Variants in SLC25A48 observed in about 807,000 individuals in gnomAD.
SLC25A48 encodes the protein CTC-321K16.1.
In SLC25A48, 29 loss-of-function variants were observed where a neutral mutation model predicts 32.2. The observed-to-expected ratio is 0.90, with a 90% CI of 0.67 to 1.23. SLC25A48 has a LOEUF of 1.23. Ranked by LOEUF, SLC25A48 falls within the 50% of genes most tolerant of loss-of-function variation. The pLI, the probability that SLC25A48 is intolerant of heterozygous loss-of-function variation, is 0.00. For missense variants in SLC25A48, 399 were observed against 422.7 expected (o/e 0.94, Z 0.49); for synonymous variants, 164 against 172.3 (o/e 0.95, Z 0.38).
chr5:135,866,605 C>G (rs1479998322), intron 4 of SLC25A48, among the ~76,000 whole-genome samples: 1 of 152,190 alleles, frequency 6.6e-6, no homozygotes, highest in Non-Finnish European at 1.5e-5. Flanking sequence ...CACCACACCC[C>G]AAAATAAAAC....
chr5:135,812,173 G>T (rs10050995), intron 3 of SLC25A48, among the ~76,000 whole-genome samples: 1 of 151,880 alleles, frequency 6.6e-6, no homozygotes, highest in Non-Finnish European at 1.5e-5. Flanking sequence ...TATTTTTTAA[G>T]CTTCTATGGG....
intron 3 of SLC25A48, among the ~76,000 whole-genome samples, chr5:135,793,011 A>G (rs997743538): frequency 6.6e-6 from 1 of 151,420 alleles, no homozygotes; most frequent in African/African-American, 2.4e-5. Context: ...CTGGGGAGAT[A>G]TTATTCCTAA....
chr5:135,715,208 T>C (rs1366902312), intron 3 of SLC25A48, among the ~76,000 whole-genome samples: 1 of 152,146 alleles, frequency 6.6e-6, no homozygotes, highest in Non-Finnish European at 1.5e-5. Context: ...TGGATAGAAT[T>C]TGGCTGCTGA....
intron 1 of SLC25A48, among the ~76,000 whole-genome samples, chr5:135,611,523 A>AAAAAAAGAAAAAG (rs1752067388): frequency 1.4e-5 from 2 of 139,428 alleles, no homozygotes; most frequent in African/African-American, 2.8e-5. Context: ...AAAAAAAAAA[A>AAAAAAAGAAAAAG]AAAAGAAAAA....
chr5:135,780,184 T>C (rs1756685667), intron 3 of SLC25A48, among the ~76,000 whole-genome samples: 1 of 72,338 alleles, frequency 1.4e-5, no homozygotes, highest in Middle Eastern at 8.2e-3. Flanking sequence ...TTTTTTTTTT[T>C]TGAGACATTC....
intron 3 of SLC25A48, among the ~76,000 whole-genome samples, chr5:135,719,737 G>A (rs1028966937): frequency 2.6e-5 from 4 of 152,162 alleles, no homozygotes; most frequent in East Asian, 1.9e-4. Flanking sequence ...CTCTCCCTGA[G>A]GTGGGCTGAG....
upstream of SLC25A48, among the ~76,000 whole-genome samples, chr5:135,831,841 A>G (rs1485938627): frequency 6.6e-6 from 1 of 152,210 alleles, no homozygotes; most frequent in East Asian, 1.9e-4. Context: ...CTGGGGCAGT[A>G]GGACAGGGGC....
chr5:135,745,635 C>T (rs955231612), intron 3 of SLC25A48, among the ~76,000 whole-genome samples: 2 of 152,202 alleles, frequency 1.3e-5, no homozygotes, highest in Non-Finnish European at 2.9e-5. Context: ...AAGGTCCTCC[C>T]ATCCTTGAAT....
chr5:135,838,367 T>C (rs1758704801), intron 1 of SLC25A48, among the ~76,000 whole-genome samples: 1 of 152,238 alleles, frequency 6.6e-6, no homozygotes, highest in African/African-American at 2.4e-5. Context: ...TCATAAAAGC[T>C]TGGAAAATTT....
chr5:135,888,271 C>A lies in SLC25A48; in HGVS notation c.*247C>A. ...ACTCTGCTAGGCTGGCATCAAAGAGCTTTCCAAGAAATGTTTGGTCCAGCT... is the reference window on the plus strand; with the variant it reads ...ACTCTGCTAGGCTGGCATCAAAGAGATTTCCAAGAAATGTTTGGTCCAGCT... On this transcript the variant is annotated 3_prime_UTR_variant, in exon 8 of 8. Coordinates refer to ENST00000681962, the MANE Select transcript of SLC25A48 (RefSeq NM_001349336.2). The A allele has an allele frequency of 1.9e-6, 1 of 519,232 alleles. No individual in the cohort carries two copies. The highest frequency in any genetic ancestry group is 3.4e-6 in the Non-Finnish European group (1 of 293,786). 32.2% of individuals were successfully genotyped at this position (519,232 alleles called of 1,614,324 possible).
At chr5:135,638,558 T>C (rs756585953) in intron 3 of SLC25A48, among the ~76,000 whole-genome samples, 10 of 152,218 alleles carry the variant, frequency 6.6e-5, no homozygotes, top group Non-Finnish European at 1.0e-4. Context: ...ATTTTGTTTC[T>C]GAGTTGTGTG....
At position 135,779,522 on chromosome 5, in the gene SLC25A48, A is replaced by ACACGCACTCTAATAAGGTTTGTGT. The variant is rs1326006136; in HGVS notation, c.-520-33001_-520-33000insCACGCACTCTAATAAGGTTTGTGT. Among the ~76,000 whole-genome samples the ACACGCACTCTAATAAGGTTTGTGT allele has an allele frequency of 4.1e-4, 50 of 120,846 alleles. 1 individual carries two copies. Among genetic ancestry groups the ACACGCACTCTAATAAGGTTTGTGT allele is most frequent in the Admixed American group, 8.2e-4 (10 of 12,144 alleles). The allele number at this position is 120,846 out of a possible 152,430, so 79.3% of individuals were successfully genotyped here. ...ACTCCCAATATTGCAGGGGGTGTACATGCCCCCCTGTGATATTGTTTCTAA... is the reference window on the plus strand; with the variant it reads ...ACTCCCAATATTGCAGGGGGTGTACACACGCACTCTAATAAGGTTTGTGTTGCCCCCCTGTGATATTGTTTCTAA... On this transcript the variant is annotated intron_variant, in intron 3 of 10. Coordinates refer to the SLC25A48 transcript ENST00000646290.
intron 1 of SLC25A48, among the ~76,000 whole-genome samples, chr5:135,837,490 A>C (rs998679885): frequency 6.6e-6 from 1 of 152,190 alleles, no homozygotes; most frequent in African/African-American, 2.4e-5. Flanking sequence ...TTCAGTCACT[A>C]ACTGCTGCAA....
chr5:135,604,926 C>CATCTCATA (rs1389663482), intron 1 of SLC25A48, among the ~76,000 whole-genome samples: 1 of 152,126 alleles, frequency 6.6e-6, no homozygotes, highest in African/African-American at 2.4e-5. Flanking sequence ...TAATAACACT[C>CATCTCATA]ATCTCATAGG....
chr5:135,673,106 C>T (rs1753692181), intron 3 of SLC25A48, among the ~76,000 whole-genome samples: 2 of 152,132 alleles, frequency 1.3e-5, no homozygotes, highest in African/African-American at 4.8e-5. Flanking sequence ...GGATATATCA[C>T]AATGTGTTTT....
chr5:135,837,973 G>A (rs1178488505), intron 1 of SLC25A48, among the ~76,000 whole-genome samples: 2 of 152,204 alleles, frequency 1.3e-5, no homozygotes, highest in African/African-American at 4.8e-5. Flanking sequence ...ACAGTTTGAA[G>A]GGCTCAGAAG....
intron 1 of SLC25A48, among the ~76,000 whole-genome samples, chr5:135,620,178 A>G (rs915097355): frequency 1.3e-5 from 2 of 152,172 alleles, no homozygotes; most frequent in Admixed American, 6.5e-5. Context: ...CAGGTGATGC[A>G]TGTGGGTGGC....
At chr5:135,595,646 G>A (rs142080532) in intron 1 of SLC25A48, among the ~76,000 whole-genome samples, 1,531 of 152,286 alleles carry the variant, frequency 0.01, 17 homozygotes, top group African/African-American at 0.035. Flanking sequence ...ATGGGCTTGC[G>A]CATACATGCT....
intron 3 of SLC25A48, among the ~76,000 whole-genome samples, chr5:135,799,342 G>C (rs986623533): frequency 6.6e-6 from 1 of 151,672 alleles, no homozygotes; most frequent in Non-Finnish European, 1.5e-5. Context: ...TATATCCAGG[G>C]AAAAGAAGAT....
Sources: gnomAD v4.1 joint callset for allele counts (sites outside exome capture counted in the v4.1 genomes callset) on GRCh38, gnomAD v4.1.1 for gene constraint, MANE v1.5 for transcripts, NCBI Gene and HGNC (gene_info 2026-07-23, HGNC 2026-07-21) for gene names.